Variants in SCAI observed in about 807,000 individuals in gnomAD.
The protein encoded by SCAI is protein SCAI.
A neutral mutation model predicts 92.2 loss-of-function variants in SCAI; 24 were observed. That is an observed-to-expected ratio of 0.26 (90% CI 0.19 to 0.37). The LOEUF is 0.37. Ranked by LOEUF, SCAI falls within the 10% of genes least tolerant of loss-of-function variation. SCAI has a pLI of 1.00. For missense variants in SCAI, 450 were observed against 736.2 expected (o/e 0.61, Z 4.50); for synonymous variants, 261 against 258.6 (o/e 1.01, Z -0.09).
At chr9:125,075,524 A>G (rs1167887845) in intron 2 of SCAI, among the ~76,000 whole-genome samples, 3 of 151,348 alleles carry the variant, frequency 2.0e-5, no homozygotes, top group Non-Finnish European at 4.4e-5. Flanking sequence ...CAGGCTCCCA[A>G]GTAGCTGGGA....
intron 9 of SCAI, among the ~76,000 whole-genome samples, chr9:125,016,043 G>A (rs1042141871): frequency 2.0e-5 from 2 of 101,436 alleles, no homozygotes; most frequent in African/African-American, 7.6e-5. Context: ...GGCGGGGGGA[G>A]GGGGGAGGGA....
At chr9:124,967,433 A>G (rs1831563181) in intron 17 of SCAI, among the ~76,000 whole-genome samples, 1 of 152,170 alleles carries the variant, frequency 6.6e-6, no homozygotes, top group South Asian at 2.1e-4. Context: ...TTGTGGCTGA[A>G]CTACGTCTAG....
At chr9:125,000,035 A>G in intron 12 of SCAI, 45 bp from the exon 13 acceptor site, 2 of 819,212 alleles carry the variant, frequency 2.4e-6, no homozygotes, top group Non-Finnish European at 3.9e-6. Flanking sequence ...TTGAAGACTA[A>G]CACTGACCTG....
intron 2 of SCAI, among the ~76,000 whole-genome samples, chr9:125,110,452 C>G (rs1834907187): frequency 6.6e-6 from 1 of 152,170 alleles, no homozygotes; most frequent in Non-Finnish European, 1.5e-5. Flanking sequence ...CAAGACCAGC[C>G]TGGACGACTG....
intron 2 of SCAI, among the ~76,000 whole-genome samples, chr9:125,135,874 C>A (rs1313002768): frequency 3.4e-5 from 5 of 148,778 alleles, no homozygotes; most frequent in African/African-American, 1.2e-4. Context: ...GAGGCTGAGG[C>A]AGGAGGATCA....
In SCAI at chr9:125,003,584, A is replaced by G; in HGVS notation, c.862-14T>C. On this transcript the variant is annotated splice_polypyrimidine_tract_variant and intron_variant, in intron 9 of 17. Coordinates refer to ENST00000336505, the MANE Select transcript of SCAI (RefSeq NM_001144877.3). Reference sequence around the variant, plus strand: ...ACTGAACTTAACCTGCAAGAAAAAAAAAAACAAACACAACCTAGCCTTAAT... The same window carrying G: ...ACTGAACTTAACCTGCAAGAAAAAAGAAAACAAACACAACCTAGCCTTAAT... 1 of 1,536,868 alleles carries G rather than the reference A, an allele frequency of 6.5e-7. No individual in the cohort carries two copies. Among genetic ancestry groups the G allele is most frequent in the Non-Finnish European group, 9.0e-7 (1 of 1,115,136 alleles).
chr9:124,954,037 C>T (rs1045715152), intron 17 of SCAI, among the ~76,000 whole-genome samples: 31 of 152,138 alleles, frequency 2.0e-4, no homozygotes, highest in African/African-American at 7.2e-4. Flanking sequence ...TTTGTAGAGA[C>T]AGGGTCTTGC....
intron 9 of SCAI, among the ~76,000 whole-genome samples, chr9:125,013,977 C>T (rs1236619950): frequency 3.3e-5 from 5 of 152,022 alleles, no homozygotes; most frequent in African/African-American, 9.7e-5. Context: ...CAAAATTCAA[C>T]AACGCTTCAT....
At chr9:125,067,442 C>G (rs186005164) in intron 2 of SCAI, among the ~76,000 whole-genome samples, 1 of 151,964 alleles carries the variant, frequency 6.6e-6, no homozygotes, top group Non-Finnish European at 1.5e-5. Flanking sequence ...TGAAGACAGA[C>G]AGGAAGGAAG....
chr9:124,966,036 T>G (rs1831533329), intron 17 of SCAI, among the ~76,000 whole-genome samples: 1 of 152,210 alleles, frequency 6.6e-6, no homozygotes, highest in Non-Finnish European at 1.5e-5. Context: ...GCTACCAAAT[T>G]ATTACAGTAG....
At chr9:125,104,976 AT>A (rs145349397) in intron 2 of SCAI, among the ~76,000 whole-genome samples, 59 of 150,740 alleles carry the variant, frequency 3.9e-4, no homozygotes, top group African/African-American at 8.5e-4. Context: ...AAAAAAAAAA[AT>A]TTAGTGTCAA....
chr9:125,118,391 A>G (rs941593090), intron 2 of SCAI, among the ~76,000 whole-genome samples: 4 of 152,126 alleles, frequency 2.6e-5, no homozygotes, highest in African/African-American at 7.2e-5. Flanking sequence ...GGTGGCATGC[A>G]CCTGTAGTCC....
chr9:125,099,510 G>A (rs1281171536), intron 2 of SCAI, among the ~76,000 whole-genome samples: 2 of 152,016 alleles, frequency 1.3e-5, no homozygotes, highest in African/African-American at 2.4e-5. Flanking sequence ...TCGACCTCCT[G>A]GCCTCAAGTG....
chr9:125,089,689 G>T (rs618059), intron 2 of SCAI, among the ~76,000 whole-genome samples: 6 of 151,726 alleles, frequency 4.0e-5, no homozygotes, highest in Admixed American at 6.6e-5. Context: ...TTGGGGTTGG[G>T]GGGGGCAGTG....
At chr9:125,058,383 G>A (rs1396537858) in intron 2 of SCAI, among the ~76,000 whole-genome samples, 7 of 152,086 alleles carry the variant, frequency 4.6e-5, no homozygotes, top group African/African-American at 1.7e-4. Flanking sequence ...GCATGGTGGG[G>A]TGTGCCTGCA....
At chr9:125,122,336 A>AT (rs1835171634) in intron 2 of SCAI, among the ~76,000 whole-genome samples, 1 of 152,132 alleles carries the variant, frequency 6.6e-6, no homozygotes, top group Non-Finnish European at 1.5e-5. Flanking sequence ...CATGCCTATG[A>AT]TCCCAGCACT....
intron 2 of SCAI, among the ~76,000 whole-genome samples, chr9:125,071,480 A>T (rs1208124255): frequency 6.6e-6 from 1 of 152,230 alleles, no homozygotes; most frequent in Non-Finnish European, 1.5e-5. Flanking sequence ...ATGTATAAAG[A>T]AACTGAATAA....
intron 2 of SCAI, among the ~76,000 whole-genome samples, chr9:125,088,112 T>TTTTG (rs1564407988): frequency 2.6e-5 from 4 of 152,130 alleles, no homozygotes; most frequent in Admixed American, 2.6e-4. Context: ...GTTTTGTTTT[T>TTTTG]TTTGAGACAG....
At chr9:125,063,581 G>GT (rs1460627249) in intron 2 of SCAI, among the ~76,000 whole-genome samples, 1 of 151,970 alleles carries the variant, frequency 6.6e-6, no homozygotes, top group Non-Finnish European at 1.5e-5. Context: ...TGAAAAGGTT[G>GT]TAAGTCAAAG....
Sources: allele counts gnomAD v4.1 joint callset (sites outside exome capture counted in the v4.1 genomes callset), GRCh38; gene constraint gnomAD v4.1.1; transcripts MANE v1.5; gene names NCBI Gene and HGNC (gene_info 2026-07-23, HGNC 2026-07-21).